Variants in ARHGAP15 observed in about 807,000 individuals in gnomAD.
The protein encoded by ARHGAP15 is Rho GTPase activating protein 15.
ARHGAP15 carries 51 observed loss-of-function variants against 63.7 expected under a neutral mutation model. That is an observed-to-expected ratio of 0.80 (90% CI 0.64 to 1.01). The LOEUF (loss-of-function observed/expected upper bound fraction) is 1.01, where lower values mean the gene tolerates loss of function less well. Ranked by LOEUF, ARHGAP15 falls within the 50% of genes least tolerant of loss-of-function variation. ARHGAP15 has a pLI of 0.00. For synonymous variants in ARHGAP15, 191 were observed against 193.8 expected, an observed-to-expected ratio of 0.99 and a Z score of 0.12; for missense variants, 560 against 564.6, an observed-to-expected ratio of 0.99 and a Z score of 0.08.
intron 9 of ARHGAP15, among the ~76,000 whole-genome samples, chr2:143,513,304 C>T (rs952302845): frequency 6.6e-6 from 1 of 152,136 alleles, no homozygotes; most frequent in Non-Finnish European, 1.5e-5. Context: ...CCCCCACTTC[C>T]AACATTATAA....
chr2:143,763,143 T>C (rs1304167197), intron 13 of ARHGAP15, among the ~76,000 whole-genome samples: 1 of 152,104 alleles, frequency 6.6e-6, no homozygotes, highest in African/African-American at 2.4e-5. Context: ...AAATTATGGT[T>C]TCTATTGATG....
rs147895393 is a variant in ARHGAP15 at position 143,512,803 on chromosome 2, G to T, written c.827-6463G>T. The stretch of plus-strand genomic sequence containing the variant: ...CACTGGAAAGTCAGGAGCTGAGTTG[G>T]ATCTGTTCCATTTGCCTCTCCCTGC... On this transcript the variant is annotated intron_variant, in intron 9 of 13. Transcript: ENST00000295095. Among the ~76,000 whole-genome samples, 20 of 152,328 alleles carry T rather than the reference G, an allele frequency of 1.3e-4. No individual in the cohort carries two copies. The East Asian group carries it at 3.5e-3, about 27-fold the overall frequency.
chr2:143,722,187 ACACT>A (rs910782181), intron 13 of ARHGAP15, among the ~76,000 whole-genome samples: 20 of 151,086 alleles, frequency 1.3e-4, no homozygotes, highest in Admixed American at 3.3e-4. Flanking sequence ...ACACACACAC[ACACT>A]CACACACACA....
chr2:143,479,146 C>T (rs1472710018), intron 8 of ARHGAP15, among the ~76,000 whole-genome samples: 1 of 152,212 alleles, frequency 6.6e-6, no homozygotes, highest in Non-Finnish European at 1.5e-5. Flanking sequence ...TGCCACTCAA[C>T]TGAAATACTG....
At chr2:143,425,013 A>G (rs1000143466) in intron 6 of ARHGAP15, among the ~76,000 whole-genome samples, 6 of 152,142 alleles carry the variant, frequency 3.9e-5, no homozygotes, top group African/African-American at 1.4e-4. Flanking sequence ...TGTTATTAAC[A>G]GTGCCTTTTG....
At chr2:143,300,052 A>G (rs2105147836) in intron 6 of ARHGAP15, among the ~76,000 whole-genome samples, 1 of 152,174 alleles carries the variant, frequency 6.6e-6, no homozygotes, top group Middle Eastern at 3.4e-3. Flanking sequence ...CATTTGATAA[A>G]TGAAATATCT....
intron 12 of ARHGAP15, among the ~76,000 whole-genome samples, chr2:143,690,772 C>A (rs1019048940): frequency 1.3e-5 from 2 of 152,124 alleles, no homozygotes; most frequent in African/African-American, 2.4e-5. Context: ...TCAAGTTATA[C>A]ATTTGCAGAG....
chr2:143,195,178 A>T (rs1379977077), intron 2 of ARHGAP15, among the ~76,000 whole-genome samples: 2 of 152,176 alleles, frequency 1.3e-5, no homozygotes, highest in African/African-American at 4.8e-5. Context: ...GACTGACAAT[A>T]ATAAACAATC....
rs115031639 is a variant in ARHGAP15, at chr2:143,576,367, A to G, written c.1003+19882A>G. The stretch of plus-strand genomic sequence containing the variant: ...TGACCAGATGGTTGTGTTAAGAAGG[A>G]TACTGAAACATTGTCCTAAATAAGT... On this transcript the variant is annotated intron_variant, in intron 11 of 13. Transcript: ENST00000295095. 2.1e-3 allele frequency among the ~76,000 whole-genome samples: 316 copies of G among 152,270 alleles called. 1 individual carries two copies. Among genetic ancestry groups the G allele is most frequent in the African/African-American group, 6.8e-3 (283 of 41,570 alleles).
intron 5 of ARHGAP15, among the ~76,000 whole-genome samples, chr2:143,233,586 T>A (rs1054948441): frequency 1.2e-4 from 18 of 152,174 alleles, no homozygotes; most frequent in Admixed American, 9.2e-4. Context: ...TGGATTGTTA[T>A]GCTTCTTAAA....
chr2:143,401,638 T>C (rs1687992045), intron 6 of ARHGAP15, among the ~76,000 whole-genome samples: 1 of 152,032 alleles, frequency 6.6e-6, no homozygotes. Flanking sequence ...GTGTTCAATG[T>C]TAGCAGTGAC....
chr2:143,650,307 G>A (rs1280624720), intron 12 of ARHGAP15, among the ~76,000 whole-genome samples: 4 of 151,834 alleles, frequency 2.6e-5, no homozygotes, highest in African/African-American at 9.7e-5. Flanking sequence ...GAAAAGAGTG[G>A]GTTGGGAAGT....
chr2:143,698,506 T>C (rs1322969973), intron 12 of ARHGAP15, among the ~76,000 whole-genome samples: 1 of 142,818 alleles, frequency 7.0e-6, no homozygotes, highest in Non-Finnish European at 1.6e-5. Flanking sequence ...TGGAATCATT[T>C]TTTAAACTTG....
chr2:143,747,106 G>T (rs1686197576), intron 13 of ARHGAP15, among the ~76,000 whole-genome samples: 1 of 152,052 alleles, frequency 6.6e-6, no homozygotes, highest in African/African-American at 2.4e-5. Flanking sequence ...GGGAGGAAGA[G>T]CATTAGGACA....
intron 6 of ARHGAP15, among the ~76,000 whole-genome samples, chr2:143,388,056 CACT>C (rs1466668218): frequency 6.6e-6 from 1 of 152,178 alleles, no homozygotes; most frequent in Non-Finnish European, 1.5e-5. Flanking sequence ...CTCATATCAA[CACT>C]ACTAAATACT....
At position 143,713,094 on chromosome 2, in the gene ARHGAP15, G is replaced by A. The variant is rs751835866; in HGVS notation, c.1244+9570G>A. ...AGTGGTTCCAGGTAACATCAACTAC[G>A]TAAGCCTAGTGTATTAGTCCATTTT... On this transcript the variant is annotated intron_variant, in intron 13 of 13. Transcript: ENST00000295095. Among the ~76,000 whole-genome samples the A allele has an allele frequency of 5.3e-5, 8 of 152,258 alleles. No individual in the cohort carries two copies. The East Asian group carries it at 5.8e-4, about 11-fold the overall frequency.
chr2:143,337,595 A>G (rs1321336933), intron 6 of ARHGAP15, among the ~76,000 whole-genome samples: 1 of 152,200 alleles, frequency 6.6e-6, no homozygotes, highest in African/African-American at 2.4e-5. Context: ...TTAGCTGTAC[A>G]ATACCTTCTT....
intron 6 of ARHGAP15, among the ~76,000 whole-genome samples, chr2:143,277,559 A>G (rs777581359): frequency 1.3e-5 from 2 of 151,898 alleles, no homozygotes; most frequent in South Asian, 2.1e-4. Context: ...AGACAAATCC[A>G]GAGACTGTAC....
chr2:143,638,674 GA>G (rs547479767), intron 12 of ARHGAP15, among the ~76,000 whole-genome samples: 3,104 of 93,974 alleles, frequency 0.033, 50 homozygotes, highest in Non-Finnish European at 0.049. Flanking sequence ...ATAAATAAAA[GA>G]AAAAAAAATA....
Sources: gnomAD v4.1 joint callset for allele counts (sites outside exome capture counted in the v4.1 genomes callset) on GRCh38, gnomAD v4.1.1 for gene constraint, MANE v1.5 for transcripts, NCBI Gene and HGNC (gene_info 2026-07-23, HGNC 2026-07-21) for gene names.